Variants in STX8 observed in about 807,000 individuals in gnomAD.
The protein encoded by STX8 is syntaxin 8, also known as syntaxin-8.
A neutral mutation model predicts 37.5 loss-of-function variants in STX8; 23 were observed. That is an observed-to-expected ratio of 0.61 (90% CI 0.44 to 0.87). STX8 has a LOEUF of 0.87. Ranked by LOEUF, STX8 falls within the 40% of genes least tolerant of loss-of-function variation. The pLI is 0.00. For synonymous variants in STX8, 115 were observed against 99.1 expected, an observed-to-expected ratio of 1.16 and a Z score of -0.95; for missense variants, 313 against 284.7, an observed-to-expected ratio of 1.10 and a Z score of -0.71.
At position 9,491,920 on chromosome 17, in the gene STX8, T is replaced by C; in HGVS notation, c.450A>G (p.Glu150=). The change falls in exon 6 of 8, where the codon GAA becomes GAG. Residue 150 remains glutamate, a splice_region_variant and synonymous_variant. Transcript: ENST00000306357. The part of the protein sequence containing the change: ...IRQQQQKIIQ[E]QDAGLDALSS... ...AAAGGGCATCAAGGCCTGCGTCCTGTTCTGAAAGAAAAAAGAAAAATAATT... is the reference window on the plus strand; with the variant it reads ...AAAGGGCATCAAGGCCTGCGTCCTGCTCTGAAAGAAAAAAGAAAAATAATT... 1 of 1,602,108 alleles carries C rather than the reference T, an allele frequency of 6.2e-7. No homozygotes were observed. The highest frequency in any genetic ancestry group is 1.3e-5 in the African/African-American group (1 of 74,300).
At chr17:9,532,191 C>CT (rs1258138795) in intron 4 of STX8, among the ~76,000 whole-genome samples, 1 of 151,854 alleles carries the variant, frequency 6.6e-6, no homozygotes, top group Non-Finnish European at 1.5e-5. Context: ...GACTAAGTAG[C>CT]TACAGAGATC....
chr17:9,478,677 C>A (rs1247639726), intron 6 of STX8, among the ~76,000 whole-genome samples: 1 of 152,130 alleles, frequency 6.6e-6, no homozygotes, highest in Non-Finnish European at 1.5e-5. Context: ...GTCTCATGAC[C>A]CCTCCACAAC....
chr17:9,385,836 C>A (rs1437406161), intron 6 of STX8, among the ~76,000 whole-genome samples: 1 of 152,212 alleles, frequency 6.6e-6, no homozygotes, highest in Non-Finnish European at 1.5e-5. Context: ...TGCAGTGGCA[C>A]GATCTCCGCT....
At chr17:9,510,246 A>T (rs1016478168) in intron 4 of STX8, among the ~76,000 whole-genome samples, 1 of 152,194 alleles carries the variant, frequency 6.6e-6, no homozygotes, top group African/African-American at 2.4e-5. Context: ...ATCAACAAAG[A>T]AACATCATAT....
chr17:9,487,120 C>T (rs1009735828), intron 6 of STX8, among the ~76,000 whole-genome samples: 1 of 152,154 alleles, frequency 6.6e-6, no homozygotes, highest in African/African-American at 2.4e-5. Context: ...TGGGGTTGGT[C>T]AGGCCCTTTT....
chr17:9,288,352 A>G (rs1427436209), intron 7 of STX8, among the ~76,000 whole-genome samples: 1 of 152,106 alleles, frequency 6.6e-6, no homozygotes, highest in Non-Finnish European at 1.5e-5. Flanking sequence ...GTGAAAAAGG[A>G]AGACAGCAGC....
At chr17:9,365,154 G>A (rs1250391651) in intron 7 of STX8, among the ~76,000 whole-genome samples, 1 of 152,132 alleles carries the variant, frequency 6.6e-6, no homozygotes, top group African/African-American at 2.4e-5. Flanking sequence ...GTTTTATTTG[G>A]CCCACATGGT....
intron 6 of STX8, among the ~76,000 whole-genome samples, chr17:9,485,380 T>C (rs922254199): frequency 2.6e-5 from 4 of 152,124 alleles, no homozygotes; most frequent in African/African-American, 7.2e-5. Flanking sequence ...GAGGAAAGCA[T>C]AGGGCCTGGC....
chr17:9,480,375 T>A (rs543413206), intron 6 of STX8, among the ~76,000 whole-genome samples: 3 of 152,152 alleles, frequency 2.0e-5, no homozygotes, highest in Non-Finnish European at 4.4e-5. Flanking sequence ...CTTTTTCTTA[T>A]TAGGAAAAGA....
intron 7 of STX8, among the ~76,000 whole-genome samples, chr17:9,276,127 G>A (rs999409779): frequency 2.6e-5 from 4 of 152,044 alleles, no homozygotes; most frequent in Non-Finnish European, 4.4e-5. Context: ...CAAGCCATAG[G>A]GCCCTGGGCA....
Position 9,372,750 on chromosome 17 carries a change from A to G in STX8, c.643+5802T>C, listed in dbSNP as rs552442010. Among the ~76,000 whole-genome samples the G allele has an allele frequency of 1.0e-2, 1,450 of 145,462 alleles. 22 individuals are homozygous for G. Among genetic ancestry groups the G allele is most frequent in the African/African-American group, 0.034 (1,357 of 39,716 alleles). ...CTCGGCCTCCCAAAGTGCTGGGATTACAGGCATGAGCCACCACGCCCAGCC... is the reference window on the plus strand; with the variant it reads ...CTCGGCCTCCCAAAGTGCTGGGATTGCAGGCATGAGCCACCACGCCCAGCC... On this transcript the variant is annotated intron_variant, in intron 7 of 7. Coordinates refer to ENST00000306357, the MANE Select transcript of STX8 (RefSeq NM_004853.3).
At chr17:9,378,305 C>A (rs1911670234) in intron 7 of STX8, 1 of 412,484 alleles carries the variant, frequency 2.4e-6, no homozygotes, top group Non-Finnish European at 4.5e-6. Flanking sequence ...TGTAAACACA[C>A]AGAAAGGACT....
intron 4 of STX8, among the ~76,000 whole-genome samples, chr17:9,527,626 A>G (rs1279097666): frequency 2.0e-5 from 3 of 152,152 alleles, no homozygotes; most frequent in Non-Finnish European, 2.9e-5. Context: ...TTTCCATACC[A>G]AAAGTCACAA....
intron 6 of STX8, among the ~76,000 whole-genome samples, chr17:9,398,881 T>C (rs1912501729): frequency 6.6e-6 from 1 of 152,062 alleles, no homozygotes; most frequent in African/African-American, 2.4e-5. Flanking sequence ...AAATCCTGTC[T>C]CTACTAAAAG....
At chr17:9,568,080 G>T (rs1907529758) in intron 2 of STX8, among the ~76,000 whole-genome samples, 2 of 152,162 alleles carry the variant, frequency 1.3e-5, no homozygotes, top group South Asian at 4.1e-4. Flanking sequence ...CTCTTGGCCT[G>T]CAAAGACTAA....
At chr17:9,271,748 CAAAA>C (rs71135959) in intron 7 of STX8, among the ~76,000 whole-genome samples, 2 of 63,496 alleles carry the variant, frequency 3.1e-5, no homozygotes, top group South Asian at 5.7e-4. Context: ...GACTCCATCT[CAAAA>C]AAAAAAAAAA....
chr17:9,488,957 A>G (rs1597703764), intron 6 of STX8, among the ~76,000 whole-genome samples: 1 of 151,944 alleles, frequency 6.6e-6, no homozygotes, highest in Middle Eastern at 3.4e-3. Context: ...GCTCACTGCA[A>G]CCCCTGCCTC....
At chr17:9,513,018 AGAAAC>A (rs2050737693) in intron 4 of STX8, among the ~76,000 whole-genome samples, 1 of 152,232 alleles carries the variant, frequency 6.6e-6, no homozygotes, top group African/African-American at 2.4e-5. Context: ...AAAAGCAAAA[AGAAAC>A]GAATGAGATT....
intron 7 of STX8, among the ~76,000 whole-genome samples, chr17:9,299,280 T>C (rs1908678119): frequency 6.6e-6 from 1 of 152,020 alleles, no homozygotes; most frequent in Non-Finnish European, 1.5e-5. Context: ...GCAAATGTGG[T>C]CACATGGTTA....
Sources: gnomAD v4.1 joint callset for allele counts (sites outside exome capture counted in the v4.1 genomes callset) on GRCh38, gnomAD v4.1.1 for gene constraint, MANE v1.5 for transcripts, NCBI Gene and HGNC (gene_info 2026-07-23, HGNC 2026-07-21) for gene names.